Variants in NAV2 observed in about 807,000 individuals in gnomAD.
The protein encoded by NAV2 is neuron navigator 2.
A neutral mutation model predicts 223.2 loss-of-function variants in NAV2; 54 were observed. The ratio of observed to expected loss-of-function variants is 0.24; its 90% CI spans 0.19 to 0.30. The LOEUF is 0.30. Ranked by LOEUF, NAV2 falls within the 10% of genes least tolerant of loss-of-function variation. The pLI is 1.00. For missense variants in NAV2, 2,806 were observed against 3,147.5 expected, an observed-to-expected ratio of 0.89 and a Z score of 2.60; for synonymous variants, 1,279 against 1,239.3, an observed-to-expected ratio of 1.03 and a Z score of -0.67.
rs190567151 is a variant in NAV2 at position 19,655,565 on chromosome 11, A to T, written c.76-176919A>T. On this transcript the variant is annotated intron_variant, in intron 1 of 37. Transcript: ENST00000360655. ...CACCATGGAATACTATGCAGCCAAA[A>T]AAAGGATGAGTTCATGTCCTTTGTA... Among the ~76,000 whole-genome samples the T allele has an allele frequency of 1.7e-3, 264 of 152,248 alleles. 1 individual carries two copies. Among genetic ancestry groups the T allele is most frequent in the African/African-American group, 6.1e-3 (255 of 41,546 alleles).
intron 1 of NAV2, among the ~76,000 whole-genome samples, chr11:19,801,947 T>G (rs1271875424): frequency 6.6e-6 from 1 of 152,192 alleles, no homozygotes; most frequent in Non-Finnish European, 1.5e-5. Flanking sequence ...TTTTAATAAT[T>G]ATCATTGCTG....
At chr11:19,930,465 G>T (rs2045219759) in intron 6 of NAV2, among the ~76,000 whole-genome samples, 1 of 152,170 alleles carries the variant, frequency 6.6e-6, no homozygotes. Context: ...ATGTGATCTT[G>T]TAGTTCCTAT....
chr11:20,037,792 C>G (rs950255176), intron 12 of NAV2, among the ~76,000 whole-genome samples: 4 of 152,226 alleles, frequency 2.6e-5, no homozygotes, highest in Non-Finnish European at 5.9e-5. Flanking sequence ...GTCAGAAGTG[C>G]CCAGCCAGGC....
At chr11:19,722,792 T>A (rs2050863905) in intron 1 of NAV2, among the ~76,000 whole-genome samples, 3 of 152,186 alleles carry the variant, frequency 2.0e-5, no homozygotes, top group Admixed American at 6.5e-5. Context: ...GAAGGTCATG[T>A]GATGGTGGGT....
intron 1 of NAV2, among the ~76,000 whole-genome samples, chr11:19,719,440 C>T (rs1216187508): frequency 3.9e-5 from 6 of 152,142 alleles, no homozygotes; most frequent in African/African-American, 1.4e-4. Context: ...AATTATAGAA[C>T]ATCCCTAAAC....
upstream of NAV2, among the ~76,000 whole-genome samples, chr11:19,708,410 C>G (rs185436219): frequency 8.8e-4 from 134 of 152,286 alleles, 1 homozygote; most frequent in African/African-American, 3.2e-3. Context: ...CATTTCCCCT[C>G]ATCATGTATA....
At chr11:20,087,608 A>G (rs1368859607) in intron 26 of NAV2, among the ~76,000 whole-genome samples, 1 of 152,200 alleles carries the variant, frequency 6.6e-6, no homozygotes, top group Non-Finnish European at 1.5e-5. Context: ...TGGACAAGAC[A>G]GTGGAAAAAG....
intron 1 of NAV2, among the ~76,000 whole-genome samples, chr11:19,687,057 C>A (rs1330763109): frequency 6.6e-6 from 1 of 152,202 alleles, no homozygotes; most frequent in African/African-American, 2.4e-5. Context: ...AGCTCTTAAC[C>A]ACTTTGCCTC....
intron 1 of NAV2, among the ~76,000 whole-genome samples, chr11:19,759,095 T>TAGACAC (rs2054499805): frequency 1.9e-5 from 2 of 105,676 alleles, no homozygotes; most frequent in African/African-American, 1.2e-4. Context: ...AGACACTTTT[T>TAGACAC]TTTTTTTTTT....
chr11:19,385,902 CA>C (rs1172841081), intron 1 of NAV2, among the ~76,000 whole-genome samples: 1 of 152,022 alleles, frequency 6.6e-6, no homozygotes, highest in Admixed American at 6.5e-5. Context: ...GCTGGGACTA[CA>C]GGCGCCCGCC....
intron 1 of NAV2, among the ~76,000 whole-genome samples, chr11:19,659,764 AACCCTG>A (rs1476294155): frequency 2.6e-5 from 4 of 152,152 alleles, no homozygotes; most frequent in African/African-American, 4.8e-5. Flanking sequence ...TTTCAATCCT[AACCCTG>A]CCATCTACTA....
chr11:19,350,625 G>A, upstream of NAV2: 2 of 343,342 alleles, frequency 5.8e-6, no homozygotes, highest in Non-Finnish European at 1.1e-5. Flanking sequence ...GCAGTAATGT[G>A]GTATGTGCCT....
intron 31 of NAV2, among the ~76,000 whole-genome samples, chr11:20,098,025 T>C (rs150433921): frequency 4.9e-4 from 74 of 152,294 alleles, no homozygotes; most frequent in African/African-American, 1.6e-3. Flanking sequence ...CCTGTTGAAA[T>C]AGGGCTTTAC....
intron 1 of NAV2, among the ~76,000 whole-genome samples, chr11:19,693,323 C>T (rs1005961862): frequency 4.6e-5 from 7 of 152,116 alleles, no homozygotes; most frequent in Admixed American, 1.3e-4. Flanking sequence ...GAGGTTGGGG[C>T]GGCAACAGCT....
intron 1 of NAV2, among the ~76,000 whole-genome samples, chr11:19,619,268 AT>A (rs1644792993): frequency 8.0e-4 from 2 of 2,498 alleles, no homozygotes; most frequent in Non-Finnish European, 6.3e-3. Flanking sequence ...CTTTGGGTAT[AT>A]AACCCAGTAA....
At chr11:19,912,266 C>T (rs961087887) in intron 6 of NAV2, among the ~76,000 whole-genome samples, 1 of 152,160 alleles carries the variant, frequency 6.6e-6, no homozygotes, top group African/African-American at 2.4e-5. Flanking sequence ...GCTTCATTTG[C>T]AGAATAAGAG....
chr11:20,047,105 T>G (rs1396328829), intron 14 of NAV2, among the ~76,000 whole-genome samples: 3 of 152,234 alleles, frequency 2.0e-5, no homozygotes, highest in Non-Finnish European at 4.4e-5. Flanking sequence ...TGCTGCTCTT[T>G]GTTGTTTTAA....
intron 1 of NAV2, among the ~76,000 whole-genome samples, chr11:19,570,477 A>G (rs1279189435): frequency 6.6e-6 from 1 of 152,224 alleles, no homozygotes; most frequent in Non-Finnish European, 1.5e-5. Flanking sequence ...AAAATTAAAA[A>G]CTTTTCTACA....
chr11:19,433,184 G>A (rs1851095511), intron 1 of NAV2, among the ~76,000 whole-genome samples: 1 of 152,178 alleles, frequency 6.6e-6, no homozygotes, highest in Non-Finnish European at 1.5e-5. Flanking sequence ...TATTTTGAGA[G>A]GATGCCTCTA....
Sources: allele counts gnomAD v4.1 joint callset (sites outside exome capture counted in the v4.1 genomes callset), GRCh38; gene constraint gnomAD v4.1.1; transcripts MANE v1.5; gene names NCBI Gene and HGNC (gene_info 2026-07-23, HGNC 2026-07-21).